Variants in BCL2L13 observed in about 807,000 individuals in gnomAD.
The protein encoded by BCL2L13 is BCL2 like 13, also known as bcl-2-like protein 13.
Under a neutral mutation model 25.8 loss-of-function variants are expected in BCL2L13, and 13 were observed. The observed-to-expected ratio is 0.50, with a 90% CI of 0.33 to 0.80. The LOEUF (loss-of-function observed/expected upper bound fraction) is 0.80, where lower values mean the gene tolerates loss of function less well. BCL2L13 is among the 30% of genes least tolerant of loss of function. The pLI is 0.02. For synonymous variants in BCL2L13, 244 were observed against 230.3 expected (o/e 1.06, Z -0.54); for missense variants, 504 against 574.9 (o/e 0.88, Z 1.26).
chr22:17,662,793 C>T (rs903191255), intron 2 of BCL2L13, among the ~76,000 whole-genome samples: 1 of 151,876 alleles, frequency 6.6e-6, no homozygotes, highest in East Asian at 1.9e-4. Context: ...TACTCCTAGG[C>T]GACAGAGCGA....
intron 2 of BCL2L13, among the ~76,000 whole-genome samples, chr22:17,675,383 A>G (rs1298986226): frequency 6.6e-6 from 1 of 152,218 alleles, no homozygotes; most frequent in Non-Finnish European, 1.5e-5. Flanking sequence ...AGGTTATATT[A>G]TCTGCAAGAA....
At chr22:17,629,915 A>T (rs1184313182) in intron 1 of BCL2L13, among the ~76,000 whole-genome samples, 2 of 152,022 alleles carry the variant, frequency 1.3e-5, no homozygotes, top group Non-Finnish European at 2.9e-5. Flanking sequence ...TACTAGGCTG[A>T]ACATTAATTT....
intron 1 of BCL2L13, among the ~76,000 whole-genome samples, chr22:17,644,865 A>G (rs1232234825): frequency 1.4e-5 from 2 of 147,246 alleles, no homozygotes; most frequent in Non-Finnish European, 3.0e-5. Context: ...GCTGGAGTGC[A>G]GTGGCACAAT....
intron 1 of BCL2L13, among the ~76,000 whole-genome samples, chr22:17,653,237 G>A (rs533735004): frequency 6.7e-4 from 102 of 152,184 alleles, no homozygotes; most frequent in African/African-American, 1.1e-3. Context: ...TCCCAAAACC[G>A]ACTCTTCCTA....
chr22:17,680,812 C>T (rs935640692), intron 2 of BCL2L13, among the ~76,000 whole-genome samples: 8 of 152,044 alleles, frequency 5.3e-5, no homozygotes, highest in African/African-American at 1.9e-4. Context: ...TAGGATTGGT[C>T]ATTGTCCTTG....
chr22:17,705,226 T>C (rs1279146179), intron 6 of BCL2L13, among the ~76,000 whole-genome samples: 1 of 151,690 alleles, frequency 6.6e-6, no homozygotes. Flanking sequence ...TGAGCTGAGA[T>C]CGTGCCATTG....
At chr22:17,724,554 G>A (rs1053012219) in intron 6 of BCL2L13, among the ~76,000 whole-genome samples, 27 of 152,170 alleles carry the variant, frequency 1.8e-4, no homozygotes, top group African/African-American at 5.3e-4. Flanking sequence ...GTATGATGCC[G>A]ACATCATGGT....
rs111446041 is a variant in BCL2L13, at chr22:17,692,575, C to A, written c.386+3433C>A. ...CAAGGCATCTGAAAAGTACTAGGCT[C>A]ACTTTAATGGGAAGGTGATGCCAGG... On this transcript the variant is annotated intron_variant, in intron 4 of 6. Coordinates refer to ENST00000317582, the MANE Select transcript of BCL2L13 (RefSeq NM_015367.4). Among the ~76,000 whole-genome samples, 642 of 152,282 alleles carry A rather than the reference C, an allele frequency of 4.2e-3. 7 individuals are homozygous for A. Among genetic ancestry groups the A allele is most frequent in the African/African-American group, 0.015 (616 of 41,566 alleles).
chr22:17,713,651 G>T (rs541447189), intron 6 of BCL2L13, among the ~76,000 whole-genome samples: 1 of 151,484 alleles, frequency 6.6e-6, no homozygotes, highest in South Asian at 2.1e-4. Flanking sequence ...TAGTAGAGAT[G>T]GGGTTTCACC....
intron 2 of BCL2L13, among the ~76,000 whole-genome samples, chr22:17,678,216 G>A (rs959218645): frequency 1.7e-4 from 26 of 152,026 alleles, no homozygotes; most frequent in African/African-American, 6.3e-4. Context: ...TAGAAACAAG[G>A]TCTAGCTATG....
intron 1 of BCL2L13, among the ~76,000 whole-genome samples, chr22:17,629,159 T>C (rs1477355255): frequency 6.6e-6 from 1 of 151,846 alleles, no homozygotes; most frequent in African/African-American, 2.4e-5. Context: ...TGACCTCAAG[T>C]TCGAGACCAG....
intron 6 of BCL2L13, among the ~76,000 whole-genome samples, chr22:17,714,273 A>G (rs1011199960): frequency 4.0e-5 from 6 of 151,574 alleles, no homozygotes; most frequent in Admixed American, 6.6e-5. Context: ...AGCCTGGGCA[A>G]CAGAGTGAGA....
intron 1 of BCL2L13, 43 bp downstream of exon 1, chr22:17,638,929 G>A: frequency 8.2e-7 from 1 of 1,226,654 alleles, no homozygotes; most frequent in Non-Finnish European, 1.0e-6. Context: ...TGGGTGAGGA[G>A]GTGGTTTTCA....
rs746899944 is a variant in BCL2L13 at position 17,702,362 on chromosome 22, G to C, written c.576G>C (p.Glu192Asp). The change falls in exon 6 of 7, where the codon GAG (glutamate) becomes GAC (aspartate). Residue 192 changes from glutamate (E) to aspartate (D), a missense_variant. Physicochemically the swap from Glu to Asp is conservative, Grantham distance 45. Coordinates refer to ENST00000317582, the MANE Select transcript of BCL2L13 (RefSeq NM_015367.4). The part of the protein sequence containing the change: ...GVTYLEDYSA[E>D]YIIQQGGWGT... ...CATACCTGGAGGACTATTCGGCAGA[G>C]TACATCATTCAGCAAGGTGGCTGGG... The C allele has an allele frequency of 5.6e-6, 9 of 1,603,444 alleles. No homozygotes were observed. Among genetic ancestry groups the C allele is most frequent in the Non-Finnish European group, 6.0e-6 (7 of 1,175,256 alleles).
intron 1 of BCL2L13, among the ~76,000 whole-genome samples, chr22:17,643,713 C>T (rs528752335): frequency 5.5e-4 from 83 of 151,682 alleles, no homozygotes; most frequent in South Asian, 1.5e-3. Flanking sequence ...CTGCACGCCC[C>T]GCCTCCTGGG....
chr22:17,646,932 CATAT>C (rs1170982043), intron 1 of BCL2L13, among the ~76,000 whole-genome samples: 49 of 32,456 alleles, frequency 1.5e-3, no homozygotes, highest in African/African-American at 3.1e-3. Flanking sequence ...GTATAAACTA[CATAT>C]ATATATATAT....
At chr22:17,686,657 C>G (rs2401166) in intron 3 of BCL2L13, among the ~76,000 whole-genome samples, 77,443 of 151,210 alleles carry the variant, frequency 0.51, 20,529 homozygotes, top group East Asian at 0.84. Flanking sequence ...ATTATAGGCG[C>G]CCGCCACCAT....
intron 6 of BCL2L13, chr22:17,702,937 G>C (rs2060481277): frequency 6.6e-6 from 1 of 152,130 alleles, no homozygotes; most frequent in Admixed American, 6.6e-5. Flanking sequence ...TGAATCACCT[G>C]AGGTCAGGAG....
At chr22:17,701,511 A>G (rs1423789176) in intron 5 of BCL2L13, among the ~76,000 whole-genome samples, 3 of 152,146 alleles carry the variant, frequency 2.0e-5, no homozygotes, top group African/African-American at 7.2e-5. Context: ...GCCTTTTTTC[A>G]CTTAAAGTAA....
Sources: allele counts gnomAD v4.1 joint callset (sites outside exome capture counted in the v4.1 genomes callset), GRCh38; gene constraint gnomAD v4.1.1; transcripts MANE v1.5; gene names NCBI Gene and HGNC (gene_info 2026-07-23, HGNC 2026-07-21).